NVL: variants seen among roughly 807,000 people sequenced by gnomAD.
NVL encodes nuclear valosin-containing protein-like.
A neutral mutation model predicts 110.2 loss-of-function variants in NVL; 84 were observed. That is an observed-to-expected ratio of 0.76 (90% CI 0.64 to 0.91). The LOEUF is 0.91. Among genes scored for constraint, NVL ranks in the 40% least tolerant of loss-of-function variants. NVL has a pLI of 0.00. For synonymous variants in NVL, 354 were observed against 361.1 expected (o/e 0.98, Z 0.22); for missense variants, 882 against 1,035.9 (o/e 0.85, Z 2.04).
At chr1:224,247,147 T>C (rs543015326) in intron 19 of NVL, among the ~76,000 whole-genome samples, 10 of 151,956 alleles carry the variant, frequency 6.6e-5, no homozygotes, top group African/African-American at 2.4e-4. Context: ...AAGAAATAAG[T>C]ATATGCAACC....
chr1:224,294,715 G>A (rs1667711308), intron 11 of NVL, among the ~76,000 whole-genome samples: 1 of 152,106 alleles, frequency 6.6e-6, no homozygotes, highest in African/African-American at 2.4e-5. Context: ...GGTAATAAGA[G>A]AAAAGACATC....
At chr1:224,300,848 T>C (rs751108978) in intron 9 of NVL, among the ~76,000 whole-genome samples, 185 bp from the exon 10 acceptor site, 2 of 152,172 alleles carry the variant, frequency 1.3e-5, no homozygotes, top group Non-Finnish European at 2.9e-5. Context: ...CTCAGGCCTA[T>C]AATCCCACTA....
chr1:224,288,592 C>T (rs911127076), intron 13 of NVL, among the ~76,000 whole-genome samples: 1 of 152,008 alleles, frequency 6.6e-6, no homozygotes, highest in African/African-American at 2.4e-5. Flanking sequence ...TTATTTTTTA[C>T]AGAATTAATT....
chr1:224,266,159 A>C (rs930479493), intron 18 of NVL, among the ~76,000 whole-genome samples: 1 of 152,130 alleles, frequency 6.6e-6, no homozygotes, highest in African/African-American at 2.4e-5. Context: ...TACTGGAAAA[A>C]ACTGGATCAA....
chr1:224,253,754 G>GAA (rs1269824671), intron 18 of NVL, among the ~76,000 whole-genome samples: 26 of 132,200 alleles, frequency 2.0e-4, no homozygotes, highest in African/African-American at 6.4e-4. Context: ...AAAAAGAAAA[G>GAA]AAAAAAAGAA....
chr1:224,268,171 A>G, intron 17 of NVL, 38 bp from the exon 18 acceptor site: 1 of 1,414,836 alleles, frequency 7.1e-7, no homozygotes, highest in Non-Finnish European at 9.9e-7. Flanking sequence ...AGCTCTCAAT[A>G]CAAAGGAAAA....
chr1:224,295,000 C>A (rs1054843721), intron 11 of NVL, among the ~76,000 whole-genome samples: 1 of 152,198 alleles, frequency 6.6e-6, no homozygotes, highest in Non-Finnish European at 1.5e-5. Context: ...AAATAGTCTT[C>A]AGCTGTTCTG....
At chr1:224,294,594 ACT>A (rs1667699933) in intron 11 of NVL, among the ~76,000 whole-genome samples, 183 bp from the exon 12 acceptor site, 1 of 152,168 alleles carries the variant, frequency 6.6e-6, no homozygotes, top group East Asian at 1.9e-4. Flanking sequence ...TAAAATACAA[ACT>A]CTGTCCTCAG....
intron 20 of NVL, among the ~76,000 whole-genome samples, chr1:224,233,964 A>G (rs1471736235): frequency 1.3e-5 from 2 of 152,094 alleles, no homozygotes; most frequent in Non-Finnish European, 2.9e-5. Flanking sequence ...CTGAGATGGC[A>G]GAATTGCTTG....
In NVL at chr1:224,227,366, T is replaced by G; in HGVS notation, c.*260A>C. 3.5e-6 allele frequency: 1 copy of G among 283,248 alleles called. No individual in the cohort carries two copies. 17.5% of individuals were successfully genotyped at this position (283,248 alleles called of 1,614,324 possible). A position where few individuals can be genotyped will look rare whatever the true frequency, so the allele number is the denominator to read the frequency against. ...AAAATAGTTCAAAGTAAAAGTTTTA[T>G]TTGAAAAATGTAACAGTCATTTTAT... On this transcript the variant is annotated 3_prime_UTR_variant, in exon 23 of 23. Transcript: ENST00000281701.
intron 5 of NVL, 27 bp from the exon 6 acceptor site, chr1:224,308,290 A>T (rs1470736010): frequency 3.2e-6 from 5 of 1,574,338 alleles, no homozygotes; most frequent in Non-Finnish European, 4.3e-6. Context: ...ACAAAATTGT[A>T]GCATAAATTA....
intron 9 of NVL, among the ~76,000 whole-genome samples, chr1:224,301,291 G>C (rs1668382381): frequency 6.6e-6 from 1 of 151,980 alleles, no homozygotes; most frequent in Non-Finnish European, 1.5e-5. Context: ...TTTTTGGAGA[G>C]ACTGTGTCTC....
intron 12 of NVL, among the ~76,000 whole-genome samples, chr1:224,292,518 T>A (rs745340131): frequency 1.3e-5 from 2 of 152,184 alleles, no homozygotes; most frequent in African/African-American, 2.4e-5. Context: ...AGTTTGGGCA[T>A]CTATTCATTG....
rs1462431232 is a variant in NVL at position 224,289,719 on chromosome 1, A to G, written c.1340T>C (p.Leu447Ser). The G allele has an allele frequency of 6.2e-7, 1 of 1,613,830 alleles. No individual in the cohort carries two copies. The highest frequency in any genetic ancestry group is 1.7e-5 in the Admixed American group (1 of 59,990). The change falls in exon 13 of 23, where the codon TTG becomes TCG. Residue 447 changes from leucine to serine, a missense_variant. By Grantham distance (145) the Leu-to-Ser change is moderately radical (BLOSUM62 -2). Coordinates refer to ENST00000281701, the MANE Select transcript of NVL (RefSeq NM_002533.4). ...EASRERILQT[L>S]CRKLRLPQAF... Reference sequence around the variant, plus strand: ...TTGAGGAAGCCTCAGTTTTCTGCACAATGTTTGAAGTATTCTGTAGAAAAG... The same window carrying G: ...TTGAGGAAGCCTCAGTTTTCTGCACGATGTTTGAAGTATTCTGTAGAAAAG...
chr1:224,282,220 C>T (rs1666430900), intron 15 of NVL, among the ~76,000 whole-genome samples: 1 of 151,954 alleles, frequency 6.6e-6, no homozygotes, highest in South Asian at 2.1e-4. Context: ...AGTATGCCAC[C>T]ACGCTCAGCT....
chr1:224,238,161 G>A (rs888245639), intron 19 of NVL, among the ~76,000 whole-genome samples: 4 of 140,382 alleles, frequency 2.8e-5, no homozygotes, highest in Non-Finnish European at 6.1e-5. Flanking sequence ...AGCCTCTTGG[G>A]TAGCTGGGAC....
chr1:224,313,988 G>A (rs914163611), intron 4 of NVL, among the ~76,000 whole-genome samples: 2 of 152,162 alleles, frequency 1.3e-5, no homozygotes, highest in African/African-American at 4.8e-5. Flanking sequence ...GGGTGACAGA[G>A]CGAGATTCTG....
intron 20 of NVL, 100 bp downstream of exon 20, chr1:224,236,406 C>G: frequency 1.1e-6 from 1 of 870,092 alleles, no homozygotes; most frequent in Admixed American, 1.9e-5. Flanking sequence ...CTCATTTAAT[C>G]CTCCCAACAA....
At chr1:224,260,058 G>A (rs1442026442) in intron 18 of NVL, among the ~76,000 whole-genome samples, 1 of 152,080 alleles carries the variant, frequency 6.6e-6, no homozygotes, top group Non-Finnish European at 1.5e-5. Context: ...ATTTTAAAAG[G>A]GCAGTACTGT....
Sources: allele counts gnomAD v4.1 joint callset (sites outside exome capture counted in the v4.1 genomes callset), GRCh38; gene constraint gnomAD v4.1.1; transcripts MANE v1.5; gene names NCBI Gene and HGNC (gene_info 2026-07-23, HGNC 2026-07-21).